ZNF267: variants seen among roughly 807,000 people sequenced by gnomAD.
ZNF267 encodes the protein zinc finger (C2H2).
Under a neutral mutation model 71.6 loss-of-function variants are expected in ZNF267, and 61 were observed. That is an observed-to-expected ratio of 0.85 (90% CI 0.69 to 1.05). The LOEUF (loss-of-function observed/expected upper bound fraction) is 1.05, where lower values mean the gene tolerates loss of function less well. ZNF267 is among the 50% of genes least tolerant of loss of function. ZNF267 has a pLI of 0.00. For missense variants in ZNF267, 852 were observed against 870.0 expected, an observed-to-expected ratio of 0.98 and a Z score of 0.26; for synonymous variants, 288 against 293.2, an observed-to-expected ratio of 0.98 and a Z score of 0.18.
chr16:31,879,773 C>T (rs1165957997), intron 1 of ZNF267, among the ~76,000 whole-genome samples: 1 of 152,218 alleles, frequency 6.6e-6, no homozygotes, highest in African/African-American at 2.4e-5. Context: ...CCCCTGGCAT[C>T]TTCAGACCTG....
intron 3 of ZNF267, among the ~76,000 whole-genome samples, chr16:31,888,755 G>A (rs1403022732): frequency 6.6e-6 from 1 of 151,686 alleles, no homozygotes; most frequent in Admixed American, 6.6e-5. Flanking sequence ...ATCTTTATAA[G>A]GAATATTGTT....
intron 3 of ZNF267, among the ~76,000 whole-genome samples, chr16:31,899,130 G>A (rs2084020500): frequency 6.6e-6 from 1 of 152,182 alleles, no homozygotes; most frequent in East Asian, 1.9e-4. Flanking sequence ...CAAGGAGACA[G>A]AAAATTAACA....
intron 3 of ZNF267, among the ~76,000 whole-genome samples, chr16:31,896,770 T>G (rs1160718188): frequency 1.3e-5 from 2 of 152,086 alleles, no homozygotes; most frequent in African/African-American, 4.8e-5. Context: ...TCCCTTGTGG[T>G]TCCATATAAA....
Position 31,916,612 on chromosome 16 carries a change from A to T in ZNF267, c.*131A>T. ...ACCTTTAACTATTTTCAAGCCTTACACAATAGCAGAGAATATAAACTGAAA... is the reference window on the plus strand; with the variant it reads ...ACCTTTAACTATTTTCAAGCCTTACTCAATAGCAGAGAATATAAACTGAAA... On this transcript the variant is annotated 3_prime_UTR_variant, in exon 4 of 4. Transcript: ENST00000300870. The T allele has an allele frequency of 1.1e-6, 1 of 906,316 alleles. No individual in the cohort carries two copies. The highest frequency in any genetic ancestry group is 1.6e-6 in the Non-Finnish European group (1 of 616,032). 56.1% of individuals were successfully genotyped at this position (906,316 alleles called of 1,614,324 possible). A position where few individuals can be genotyped will look rare whatever the true frequency, so the allele number is the denominator to read the frequency against.
rs144118842 is a variant in ZNF267, at chr16:31,915,039, G to A, written c.790G>A (p.Glu264Lys). 5.8e-4 allele frequency: 928 copies of A among 1,611,898 alleles called. No homozygotes were observed. The highest frequency in any genetic ancestry group is 7.2e-4 in the Non-Finnish European group (852 of 1,179,412). ...LQSMHGQEKQ[E>K]QSYKCNKCVE... ...GAGTATGCATGGGCAAGAGAAACAA[G>A]AACAGTCTTACAAATGTAATAAATG... Residue 264 changes from glutamate to lysine, a missense_variant, in exon 4 of 4, where the codon GAA (glutamate) becomes AAA (lysine). Coordinates refer to ENST00000300870, the MANE Select transcript of ZNF267 (RefSeq NM_003414.6).
chr16:31,880,675 G>A (rs992124923), intron 1 of ZNF267, among the ~76,000 whole-genome samples: 10 of 152,156 alleles, frequency 6.6e-5, no homozygotes, highest in East Asian at 1.9e-4. Flanking sequence ...TCTTGCTTCC[G>A]TCTCAGAGGG....
chr16:31,883,764 A>G (rs1311510516), intron 1 of ZNF267, among the ~76,000 whole-genome samples: 1 of 152,246 alleles, frequency 6.6e-6, no homozygotes, highest in Non-Finnish European at 1.5e-5. Context: ...TGTAAATTTC[A>G]TAAAACTCTC....
chr16:31,884,249 T>C (rs999148862), intron 1 of ZNF267, among the ~76,000 whole-genome samples: 5 of 152,224 alleles, frequency 3.3e-5, no homozygotes, highest in Non-Finnish European at 5.9e-5. Flanking sequence ...TGTATATTCC[T>C]GTGTTGATGC....
At position 31,915,473 on chromosome 16, in the gene ZNF267, CAA is replaced by C; in HGVS notation, c.1226_1227del (p.Lys409MetfsTer2). 6.2e-7 allele frequency: 1 copy of C among 1,613,638 alleles called. No homozygotes were observed. Among genetic ancestry groups the C allele is most frequent in the Non-Finnish European group, 8.5e-7 (1 of 1,179,860 alleles). On this transcript the variant is annotated frameshift_variant, in exon 4 of 4. Coordinates refer to ENST00000300870, the MANE Select transcript of ZNF267 (RefSeq NM_003414.6). LOFTEE classifies it high-confidence loss of function. ...GAATTCACACTGGAGAGAAACCATA[CAA>C]ATGTAAAGAATGTGGCAAAGCCTTT... Reference protein sequence around the residue: ...QRIHTGEKPYKCKECGKAFRC... With the variant: ...QRIHTGEKPYXCKECGKAFRC...
chr16:31,893,662 G>A, intron 3 of ZNF267, among the ~76,000 whole-genome samples: 1 of 152,210 alleles, frequency 6.6e-6, no homozygotes, highest in East Asian at 1.9e-4. Context: ...AGATGTGTGT[G>A]CCTTCAGGGA....
rs191117030 is a variant in ZNF267, at chr16:31,915,038, A to G, written c.789A>G (p.Gln263=). 37 of 1,611,776 alleles carry G rather than the reference A, an allele frequency of 2.3e-5. No individual in the cohort carries two copies. In the East Asian group the frequency reaches 7.6e-4, roughly 33 times the overall value. The change falls in exon 4 of 4, where the codon CAA becomes CAG. Residue 263 remains glutamine (Q), a synonymous_variant. Transcript: ENST00000300870. Reference sequence around the variant, plus strand: ...AGAGTATGCATGGGCAAGAGAAACAAGAACAGTCTTACAAATGTAATAAAT... The same window carrying G: ...AGAGTATGCATGGGCAAGAGAAACAGGAACAGTCTTACAAATGTAATAAAT... The part of the protein sequence containing the change: ...FLQSMHGQEK[Q]EQSYKCNKCV...
chr16:31,884,202 A>C (rs1040403988), intron 1 of ZNF267, among the ~76,000 whole-genome samples: 1 of 152,176 alleles, frequency 6.6e-6, no homozygotes, highest in Admixed American at 6.5e-5. Flanking sequence ...AATTATACAC[A>C]GCTGATTCTG....
intron 3 of ZNF267, among the ~76,000 whole-genome samples, chr16:31,897,411 A>G (rs1435267261): frequency 6.6e-6 from 1 of 151,990 alleles, no homozygotes; most frequent in Non-Finnish European, 1.5e-5. Flanking sequence ...TTGAAGATAA[A>G]TTTACTATAT....
chr16:31,887,070 TTTA>T (rs898284126), intron 3 of ZNF267, among the ~76,000 whole-genome samples: 9 of 152,196 alleles, frequency 5.9e-5, no homozygotes, highest in African/African-American at 2.2e-4. Flanking sequence ...TGAATATTTA[TTTA>T]TTGACTCTTT....
rs2084168420 is a variant in ZNF267, at chr16:31,915,479, T to A, written c.1230T>A (p.Cys410Ter). Residue 410 changes from cysteine to a stop codon, truncating the protein, a stop_gained, in exon 4 of 4, where the codon TGT becomes TGA. Transcript: ENST00000300870. LOFTEE classifies it high-confidence loss of function. The part of the protein sequence containing the change: ...RIHTGEKPYK[C>*]KECGKAFRCS... ...ACACTGGAGAGAAACCATACAAATG[T>A]AAAGAATGTGGCAAAGCCTTTCGCT... is the stretch of plus-strand genomic sequence containing the variant. 6.2e-7 allele frequency: 1 copy of A among 1,613,676 alleles called. No individual in the cohort carries two copies. The highest frequency in any genetic ancestry group is 1.7e-5 in the Admixed American group (1 of 59,980).
In ZNF267 at chr16:31,914,571, C is replaced by A. The variant is rs1200093135; in HGVS notation, c.322C>A (p.Leu108Ile). Residue 108 changes from leucine to isoleucine, a missense_variant, in exon 4 of 4, where the codon CTT (leucine) becomes ATT (isoleucine). By Grantham distance (5) the Leu-to-Ile change is conservative (BLOSUM62 2). Coordinates refer to ENST00000300870, the MANE Select transcript of ZNF267 (RefSeq NM_003414.6). Reference sequence around the variant, plus strand: ...ATCGAGGAGACATGGGAGCTGTGATCTTGAGAATTTACATTTAAGAAAAAG... The same window carrying A: ...ATCGAGGAGACATGGGAGCTGTGATATTGAGAATTTACATTTAAGAAAAAG... ...VISRRHGSCDLENLHLRKRWK... is the reference protein window; with the variant it reads ...VISRRHGSCDIENLHLRKRWK... 1 of 1,614,048 alleles carries A rather than the reference C, an allele frequency of 6.2e-7. No individual in the cohort carries two copies. Among genetic ancestry groups the A allele is most frequent in the Admixed American group, 1.7e-5 (1 of 60,008 alleles).
intron 3 of ZNF267, among the ~76,000 whole-genome samples, chr16:31,890,940 A>G (rs1369622254): frequency 1.3e-5 from 2 of 152,148 alleles, no homozygotes; most frequent in African/African-American, 4.8e-5. Context: ...GGATAATTTA[A>G]TCTCTTTATA....
intron 3 of ZNF267, among the ~76,000 whole-genome samples, chr16:31,911,049 G>A (rs2084131697): frequency 6.6e-6 from 1 of 151,466 alleles, no homozygotes; most frequent in Admixed American, 6.6e-5. Flanking sequence ...GGGCAGAGAT[G>A]TTTGATATTA....
At chr16:31,888,545 C>T (rs1014008482) in intron 3 of ZNF267, among the ~76,000 whole-genome samples, 2 of 151,928 alleles carry the variant, frequency 1.3e-5, no homozygotes, top group African/African-American at 4.8e-5. Context: ...AATGTATTTA[C>T]TTCTGTTATA....
Sources: allele counts gnomAD v4.1 joint callset (sites outside exome capture counted in the v4.1 genomes callset), GRCh38; gene constraint gnomAD v4.1.1; transcripts MANE v1.5; gene names NCBI Gene and HGNC (gene_info 2026-07-23, HGNC 2026-07-21).